The following TRAK1 variants were observed in gnomAD, a reference collection of about 807,000 sequenced individuals.
The protein encoded by TRAK1 is trafficking kinesin-binding protein 1.
A neutral mutation model predicts 92.1 loss-of-function variants in TRAK1; 33 were observed. That is an observed-to-expected ratio of 0.36 (90% CI 0.27 to 0.48). The LOEUF (loss-of-function observed/expected upper bound fraction) is 0.48. TRAK1 is among the 20% of genes least tolerant of loss of function. The pLI, the probability that TRAK1 is intolerant of heterozygous loss-of-function variation, is 0.99. For synonymous variants in TRAK1, 521 were observed against 517.3 expected (o/e 1.01, Z -0.10); for missense variants, 1,123 against 1,257.9 (o/e 0.89, Z 1.62).
intron 2 of TRAK1, among the ~76,000 whole-genome samples, chr3:42,157,603 TCTAATCATAAGAAAA>T (rs201980372): frequency 0.019 from 2,752 of 147,598 alleles, 47 homozygotes; most frequent in Non-Finnish European, 0.028. Context: ...ATAAACAGAA[TCTAATCATAAGAAAA>T]CACCAGGAAT....
rs1331856549 is a variant in TRAK1 at position 42,193,172 on chromosome 3, G to A, written c.867G>A (p.Ser289=). 5.0e-5 allele frequency: 81 copies of A among 1,613,936 alleles called. No individual in the cohort carries two copies. Among genetic ancestry groups the A allele is most frequent in the Non-Finnish European group, 5.8e-5 (69 of 1,179,968 alleles). The part of the protein sequence containing the change: ...RQQEEITHLL[S]QIVDLQKKAK... ...AAGAGGAGATCACACACCTGCTATC[G>A]CAAATAGTTGATTTGCAGAAAAAGG... Residue 289 remains serine (S), a synonymous_variant, in exon 8 of 16, where the codon TCG becomes TCA. Transcript: ENST00000327628.
intron 1 of TRAK1, among the ~76,000 whole-genome samples, chr3:42,117,643 T>TTTTGGGC (rs1385693631): frequency 1.3e-5 from 2 of 152,118 alleles, no homozygotes; most frequent in African/African-American, 4.8e-5. Flanking sequence ...TCTCCTGGGC[T>TTTTGGGC]TAGAGCCCTC....
intron 12 of TRAK1, 62 bp downstream of exon 12, chr3:42,201,116 CT>C: frequency 6.5e-7 from 1 of 1,529,080 alleles, no homozygotes; most frequent in Non-Finnish European, 9.1e-7. Context: ...TATGGATTGT[CT>C]GCAGGCTCAG....
rs370588300 is a variant in TRAK1, at chr3:42,064,272, T to C, written c.-518-22832T>C. On this transcript the variant is annotated intron_variant, in intron 1 of 16. Coordinates refer to the TRAK1 transcript ENST00000487159. The stretch of plus-strand genomic sequence containing the variant: ...TGAGCCCAGGGGTTTGAGACCAGCC[T>C]GGGCAACGTAGCAAGACCCTGTCTC... Among the ~76,000 whole-genome samples the C allele has an allele frequency of 2.0e-5, 3 of 152,002 alleles. No individual in the cohort carries two copies. In the South Asian group the frequency reaches 6.2e-4, roughly 31 times the overall value.
intron 1 of TRAK1, among the ~76,000 whole-genome samples, chr3:42,110,099 T>C (rs979140308): frequency 3.6e-5 from 2 of 55,564 alleles, no homozygotes; most frequent in Non-Finnish European, 7.5e-5. Flanking sequence ...TTAAAGTATA[T>C]ATATATATAT....
intron 1 of TRAK1, among the ~76,000 whole-genome samples, chr3:42,072,420 C>T (rs1380400111): frequency 6.6e-6 from 1 of 151,552 alleles, no homozygotes; most frequent in Admixed American, 6.6e-5. Context: ...GCCAGCTGTA[C>T]GCAGGCTCTG....
At chr3:42,158,691 C>G (rs1156979227) in intron 2 of TRAK1, among the ~76,000 whole-genome samples, 1 of 150,492 alleles carries the variant, frequency 6.6e-6, no homozygotes, top group Non-Finnish European at 1.5e-5. Flanking sequence ...CGCCTGTAAT[C>G]CCAGCACTTT....
At chr3:42,161,836 A>G (rs4974002) in intron 2 of TRAK1, among the ~76,000 whole-genome samples, 86,693 of 151,786 alleles carry the variant, frequency 0.57, 25,747 homozygotes, top group East Asian at 0.95. Flanking sequence ...GGGAGGGGAG[A>G]GGAGTGACGG....
upstream of TRAK1, among the ~76,000 whole-genome samples, chr3:42,084,679 C>CTCAT (rs1192733424): frequency 6.6e-6 from 1 of 152,196 alleles, no homozygotes; most frequent in East Asian, 1.9e-4. Context: ...GTTCATCCTG[C>CTCAT]TCAGCCCTCT....
chr3:42,185,694 G>A (rs1483506219), intron 4 of TRAK1, among the ~76,000 whole-genome samples: 1 of 117,378 alleles, frequency 8.5e-6, no homozygotes, highest in Non-Finnish European at 1.7e-5. Flanking sequence ...TTTTTGAGAT[G>A]GAATTTCGCT....
intron 1 of TRAK1, among the ~76,000 whole-genome samples, chr3:42,119,748 C>T (rs1048921245): frequency 2.6e-5 from 4 of 152,126 alleles, no homozygotes; most frequent in Admixed American, 1.3e-4. Flanking sequence ...CACCTTACTG[C>T]AGGGAAAGCT....
At chr3:42,130,273 G>T (rs954234650) in intron 2 of TRAK1, among the ~76,000 whole-genome samples, 10 of 151,524 alleles carry the variant, frequency 6.6e-5, no homozygotes, top group Admixed American at 1.3e-4. Context: ...CCTTCTTCCA[G>T]GGGCTGTTCT....
chr3:42,222,874 T>C, intron 15 of TRAK1, 68 bp from the exon 16 acceptor site: 1 of 1,543,670 alleles, frequency 6.5e-7, no homozygotes, highest in Non-Finnish European at 8.8e-7. Flanking sequence ...TGCAGGAAAC[T>C]GGCCACTGAC....
chr3:42,219,664 C>T (rs1156593262), intron 15 of TRAK1, 68 bp downstream of exon 15: 3 of 1,579,912 alleles, frequency 1.9e-6, no homozygotes, highest in Non-Finnish European at 2.6e-6. Context: ...CCCTGCAAGG[C>T]TTAATGTTGA....
chr3:42,174,677 T>C (rs1266490890), intron 2 of TRAK1, among the ~76,000 whole-genome samples: 1 of 148,894 alleles, frequency 6.7e-6, no homozygotes, highest in Non-Finnish European at 1.5e-5. Flanking sequence ...AAAATTTTTA[T>C]ATATATGCAA....
intron 4 of TRAK1, among the ~76,000 whole-genome samples, chr3:42,186,402 G>A (rs529732892): frequency 3.5e-4 from 54 of 152,248 alleles, no homozygotes; most frequent in African/African-American, 1.3e-3. Flanking sequence ...TGTTGTCTGG[G>A]TTTAACAGTA....
At chr3:42,139,650 G>A (rs1698414170) in intron 2 of TRAK1, among the ~76,000 whole-genome samples, 1 of 152,058 alleles carries the variant, frequency 6.6e-6, no homozygotes, top group Non-Finnish European at 1.5e-5. Flanking sequence ...TTCATTTTTT[G>A]TCATCAAACC....
intron 2 of TRAK1, among the ~76,000 whole-genome samples, chr3:42,133,083 G>C (rs567138311): frequency 7.2e-5 from 11 of 152,284 alleles, no homozygotes; most frequent in East Asian, 3.9e-4. Flanking sequence ...TGCTCTCCCA[G>C]CTTCCACTCT....
chr3:42,090,343 C>G (rs1704945662), upstream of TRAK1, among the ~76,000 whole-genome samples: 1 of 152,220 alleles, frequency 6.6e-6, no homozygotes, highest in Non-Finnish European at 1.5e-5. Context: ...AGTGCTTTCA[C>G]TTTCTTTGAA....
Sources: allele counts gnomAD v4.1 joint callset (sites outside exome capture counted in the v4.1 genomes callset), GRCh38; gene constraint gnomAD v4.1.1; transcripts MANE v1.5; gene names NCBI Gene and HGNC (gene_info 2026-07-23, HGNC 2026-07-21).